IFT25: variants seen among roughly 807,000 people sequenced by gnomAD.
The protein encoded by IFT25 is intraflagellar transport 25.
At chr1:53,918,458 A>G in the IFT25 span, among the ~76,000 whole-genome samples, 1 of 152,218 alleles carries the variant, frequency 6.6e-6, no homozygotes, top group Admixed American at 6.5e-5. Flanking sequence ...GGTCTCACAT[A>G]GGCAATCAAA....
chr1:53,941,902 C>T, the IFT25 span, among the ~76,000 whole-genome samples: 1 of 152,156 alleles, frequency 6.6e-6, no homozygotes, highest in Non-Finnish European at 1.5e-5. Context: ...TCTCAAGATA[C>T]CCTGTGGACC....
At chr1:53,928,361 G>A in the IFT25 span, 6 of 1,603,086 alleles carry the variant, frequency 3.7e-6, no homozygotes, top group Non-Finnish European at 5.1e-6. Flanking sequence ...CAATGCTGGT[G>A]AAACACATAC....
At chr1:53,912,301 G>A in the IFT25 span, among the ~76,000 whole-genome samples, 692 of 152,192 alleles carry the variant, frequency 4.5e-3, 1 homozygote, top group Non-Finnish European at 6.1e-3. Context: ...ATAGACCCCC[G>A]GCTTTCCAAT....
chr1:53,913,920 A>G, the IFT25 span, among the ~76,000 whole-genome samples: 1 of 152,226 alleles, frequency 6.6e-6, no homozygotes, highest in Non-Finnish European at 1.5e-5. Context: ...CGGCACCCTG[A>G]TCTCAGACTT....
chr1:53,914,400 G>C, the IFT25 span, among the ~76,000 whole-genome samples: 1 of 151,952 alleles, frequency 6.6e-6, no homozygotes, highest in Non-Finnish European at 1.5e-5. Flanking sequence ...TTTTGAGAAA[G>C]GGGATGGAGT....
chr1:53,942,880 C>T, the IFT25 span, among the ~76,000 whole-genome samples: 1 of 152,192 alleles, frequency 6.6e-6, no homozygotes, highest in Non-Finnish European at 1.5e-5. Flanking sequence ...TCATGTGACG[C>T]ACATCCAGAA....
At chr1:53,939,970 T>A in the IFT25 span, 1 of 1,447,244 alleles carries the variant, frequency 6.9e-7, no homozygotes, top group East Asian at 2.3e-5. Flanking sequence ...AACAACAAAG[T>A]ATAGTAACTC....
the IFT25 span, among the ~76,000 whole-genome samples, chr1:53,938,477 T>G: frequency 3.3e-4 from 50 of 152,272 alleles, no homozygotes; most frequent in African/African-American, 1.2e-3. Context: ...TCAGTTGCCA[T>G]AAAGATGACA....
chr1:53,940,699 T>C, the IFT25 span, among the ~76,000 whole-genome samples: 6 of 152,094 alleles, frequency 3.9e-5, no homozygotes, highest in African/African-American at 1.4e-4. Context: ...TTTTTAAAAA[T>C]TTTCATTATT....
the IFT25 span, chr1:53,929,036 T>C: frequency 6.5e-6 from 1 of 152,902 alleles, no homozygotes; most frequent in Admixed American, 6.5e-5. Flanking sequence ...TCTCTACCAC[T>C]CCAGATCCAT....
At chr1:53,941,040 G>A in the IFT25 span, among the ~76,000 whole-genome samples, 35 of 152,170 alleles carry the variant, frequency 2.3e-4, no homozygotes, top group East Asian at 6.6e-3. Flanking sequence ...TGTTGCCCAG[G>A]CTGGAGTGCA....
chr1:53,942,678 TA>T, the IFT25 span, among the ~76,000 whole-genome samples: 1 of 152,194 alleles, frequency 6.6e-6, no homozygotes, highest in African/African-American at 2.4e-5. Context: ...AATGCTATCT[TA>T]GAGTTAAGGA....
chr1:53,921,845 G>C, the IFT25 span: 2 of 828,634 alleles, frequency 2.4e-6, no homozygotes, highest in East Asian at 2.4e-5. Context: ...AAAAGAAACA[G>C]CTTGATGCAA....
the IFT25 span, among the ~76,000 whole-genome samples, chr1:53,933,137 T>G: frequency 7.6e-6 from 1 of 131,754 alleles, no homozygotes; most frequent in Non-Finnish European, 1.5e-5. Flanking sequence ...CTTTTTCTCT[T>G]TTTTTTTTTT....
chr1:53,919,952 C>G, the IFT25 span, among the ~76,000 whole-genome samples: 1 of 152,024 alleles, frequency 6.6e-6, no homozygotes, highest in Admixed American at 6.6e-5. Context: ...TACCACTCTG[C>G]CTGGTTTTGT....
chr1:53,945,352 G>A, the IFT25 span, among the ~76,000 whole-genome samples: 2 of 152,194 alleles, frequency 1.3e-5, no homozygotes, highest in East Asian at 1.9e-4. Flanking sequence ...TTCGTGGGCT[G>A]GTAGTGGCGC....
At chr1:53,942,621 G>C in the IFT25 span, among the ~76,000 whole-genome samples, 1 of 152,166 alleles carries the variant, frequency 6.6e-6, no homozygotes, top group Non-Finnish European at 1.5e-5. Context: ...TGACCACAAA[G>C]TCAATATAAG....
chr1:53,936,548 C>A, the IFT25 span, among the ~76,000 whole-genome samples: 18 of 152,214 alleles, frequency 1.2e-4, no homozygotes, highest in African/African-American at 4.3e-4. Context: ...ATAGCTAACA[C>A]CTATTTTACA....
At chr1:53,919,865 C>T in the IFT25 span, among the ~76,000 whole-genome samples, 2 of 151,886 alleles carry the variant, frequency 1.3e-5, no homozygotes, top group African/African-American at 2.4e-5. Flanking sequence ...TCATGACTCA[C>T]TGAAGCCACG....
Sources: gnomAD v4.1 joint callset for allele counts (sites outside exome capture counted in the v4.1 genomes callset) on GRCh38, gnomAD v4.1.1 for gene constraint, MANE v1.5 for transcripts, NCBI Gene and HGNC (gene_info 2026-07-23, HGNC 2026-07-21) for gene names.